SH3BP4: variants seen among roughly 807,000 people sequenced by gnomAD.
SH3BP4 encodes SH3 domain binding protein 4, also known as SH3 domain-binding protein 4.
Under a neutral mutation model 65.5 loss-of-function variants are expected in SH3BP4, and 33 were observed. The ratio of observed to expected loss-of-function variants is 0.50; its 90% CI spans 0.38 to 0.67. The LOEUF is 0.67. Ranked by LOEUF, SH3BP4 falls within the 30% of genes least tolerant of loss-of-function variation. The pLI, the probability that SH3BP4 is intolerant of heterozygous loss-of-function variation, is 0.00. For missense variants in SH3BP4, 1,134 were observed against 1,261.4 expected (o/e 0.90, Z 1.53); for synonymous variants, 552 against 545.5 (o/e 1.01, Z -0.17).
chr2:235,035,256 A>G lies in SH3BP4; in HGVS notation c.118+136A>G, dbSNP rs58276257. 0.01 allele frequency: 7,374 copies of G among 730,186 alleles called. 394 individuals carry two copies. The African/African-American group carries it at 0.12, about 11-fold the overall frequency. The allele number at this position is 730,186 out of a possible 1,614,324, so 45.2% of individuals were successfully genotyped here. On this transcript the variant is annotated intron_variant, in intron 3 of 5. Transcript: ENST00000392011. This position sits in a 1 kb window ranked among gnomAD's most constrained non-coding sequence, Gnocchi z 5.0. Reference sequence around the variant, plus strand: ...AAAGTTTAGTTCTTTAAACTTCATCATGGTAATAGATTTAGCCCTGGAATC... The same window carrying G: ...AAAGTTTAGTTCTTTAAACTTCATCGTGGTAATAGATTTAGCCCTGGAATC...
intron 1 of SH3BP4, among the ~76,000 whole-genome samples, chr2:234,962,199 C>T (rs1354528089): frequency 6.6e-6 from 1 of 152,058 alleles, no homozygotes; most frequent in East Asian, 1.9e-4. Context: ...TGCGGTGGCC[C>T]AATGTCAGCT....
chr2:235,038,376 CATATATATATAT>C lies in SH3BP4; in HGVS notation c.119-2483_119-2472del, dbSNP rs1177080438. The stretch of plus-strand genomic sequence containing the variant: ...TATATATATATATATAATATATATA[CATATATATATAT>C]ATATATATATATATATATATATATA... On this transcript the variant is annotated intron_variant, in intron 3 of 5. Coordinates refer to ENST00000392011, the MANE Select transcript of SH3BP4 (RefSeq NM_014521.3). Among the ~76,000 whole-genome samples, 9 of 12,362 alleles carry C rather than the reference CATATATATATAT, an allele frequency of 7.3e-4. 2 individuals are homozygous for C. The highest frequency in any genetic ancestry group is 1.4e-3 in the Non-Finnish European group (9 of 6,606). The allele number at this position is 12,362 out of a possible 152,430, so 8.1% of individuals were successfully genotyped here. A position where few individuals can be genotyped will look rare whatever the true frequency, so the allele number is the denominator to read the frequency against.
intron 1 of SH3BP4, among the ~76,000 whole-genome samples, chr2:234,961,527 C>A (rs757440853): frequency 2.0e-4 from 30 of 152,190 alleles, no homozygotes; most frequent in Middle Eastern, 3.2e-3. Context: ...CTGCCTCAGC[C>A]TCCCCGGGTG....
intron 1 of SH3BP4, among the ~76,000 whole-genome samples, chr2:234,964,209 A>C (rs1198043035): frequency 6.6e-6 from 1 of 152,206 alleles, no homozygotes; most frequent in Non-Finnish European, 1.5e-5. Flanking sequence ...GCTTAGAAGC[A>C]GGAAACTGTC....
In SH3BP4 at chr2:235,053,849, G is replaced by T. The variant is rs772683228; in HGVS notation, c.*33G>T. On this transcript the variant is annotated 3_prime_UTR_variant, in exon 6 of 6. Transcript: ENST00000392011. ...CCCTCCCCTCCTGCTGCTCTGGAGTGCAAGCCCTCTTCTGCCCTGCGTGCC... is the reference window on the plus strand; with the variant it reads ...CCCTCCCCTCCTGCTGCTCTGGAGTTCAAGCCCTCTTCTGCCCTGCGTGCC... The T allele has an allele frequency of 1.9e-6, 3 of 1,543,536 alleles. No homozygotes were observed. The highest frequency in any genetic ancestry group is 2.7e-6 in the Non-Finnish European group (3 of 1,116,194).
At position 235,012,061 on chromosome 2, in the gene SH3BP4, C is replaced by T. The variant is rs1694526583; in HGVS notation, c.-133+16685C>T. Among the ~76,000 whole-genome samples, 3 of 152,238 alleles carry T rather than the reference C, an allele frequency of 2.0e-5. No individual in the cohort carries two copies. The South Asian group carries it at 6.2e-4, about 32-fold the overall frequency. On this transcript the variant is annotated intron_variant, in intron 2 of 5. Coordinates refer to ENST00000392011, the MANE Select transcript of SH3BP4 (RefSeq NM_014521.3). ...AGGGAAAGCATGGGGCTGGTGCCCG[C>T]ACACTCAGTGTGGATGCAGGGAGCA...
Position 235,026,590 on chromosome 2 carries a change from C to T in SH3BP4, c.-132-8281C>T, listed in dbSNP as rs1695008830. 6.6e-6 allele frequency among the ~76,000 whole-genome samples: 1 copy of T among 152,174 alleles called. No homozygotes were observed. Among genetic ancestry groups the T allele is most frequent in the South Asian group, 2.1e-4 (1 of 4,830 alleles). On this transcript the variant is annotated intron_variant, in intron 2 of 5. Coordinates refer to ENST00000392011, the MANE Select transcript of SH3BP4 (RefSeq NM_014521.3). The surrounding 1 kb of genome is among the most constrained non-coding windows in gnomAD (Gnocchi z 4.6). ...GTCCCTAGTTTTGAGCACAGAGCCT[C>T]GTTGCTAGAGCCTGGCACTCCGTAG...
At chr2:235,028,135 A>G (rs1695063290) in intron 2 of SH3BP4, among the ~76,000 whole-genome samples, 1 of 152,226 alleles carries the variant, frequency 6.6e-6, no homozygotes, top group Non-Finnish European at 1.5e-5. Context: ...TTGCACAGAA[A>G]AAGGAAAAAC....
chr2:235,038,337 TA>T (rs1377687560), intron 3 of SH3BP4, among the ~76,000 whole-genome samples: 361 of 6,476 alleles, frequency 0.056, 7 homozygotes, highest in Non-Finnish European at 0.15. Flanking sequence ...ATATTATATA[TA>T]GTATATATAT....
At chr2:235,024,282 A>G (rs1003776407) in intron 2 of SH3BP4, among the ~76,000 whole-genome samples, 2 of 152,194 alleles carry the variant, frequency 1.3e-5, no homozygotes, top group African/African-American at 4.8e-5. Context: ...CATCTCTCCT[A>G]AGCGACGCCC....
At chr2:234,990,713 A>G (rs1454956300) in intron 1 of SH3BP4, among the ~76,000 whole-genome samples, 1 of 152,108 alleles carries the variant, frequency 6.6e-6, no homozygotes, top group Non-Finnish European at 1.5e-5. Context: ...AATTACTTTG[A>G]CGGGGCTGTT....
At chr2:234,992,895 C>T (rs889898901) in intron 1 of SH3BP4, among the ~76,000 whole-genome samples, 11 of 119,330 alleles carry the variant, frequency 9.2e-5, no homozygotes, top group African/African-American at 1.3e-4. Context: ...GTTCCTGCCA[C>T]GTGGCTCTGG....
rs1489503510 is a variant in SH3BP4 at position 235,030,683 on chromosome 2, G to A, written c.-132-4188G>A. Among the ~76,000 whole-genome samples the A allele has an allele frequency of 6.6e-6, 1 of 152,162 alleles. No homozygotes were observed. The highest frequency in any genetic ancestry group is 1.5e-5 in the Non-Finnish European group (1 of 68,018). ...GGAGAGGATTCTGCTGTAGGAAAGA[G>A]GACAGAGCTGACATCCCAGTGAGGA... On this transcript the variant is annotated intron_variant, in intron 2 of 5. Transcript: ENST00000392011. The surrounding 1 kb of genome is among the most constrained non-coding windows in gnomAD (Gnocchi z 4.1).
chr2:234,980,239 T>C (rs188352488), intron 1 of SH3BP4, among the ~76,000 whole-genome samples: 2 of 152,266 alleles, frequency 1.3e-5, no homozygotes, highest in Non-Finnish European at 2.9e-5. Context: ...ACCCTGTATG[T>C]ACTATTTATT....
intron 1 of SH3BP4, among the ~76,000 whole-genome samples, chr2:234,987,456 C>T (rs1027756092): frequency 6.6e-6 from 1 of 152,142 alleles, no homozygotes; most frequent in East Asian, 1.9e-4. Flanking sequence ...AAACGAGGCC[C>T]AGGAAAGATG....
intron 2 of SH3BP4, among the ~76,000 whole-genome samples, chr2:234,999,507 A>G (rs1017906142): frequency 1.3e-5 from 2 of 152,144 alleles, no homozygotes; most frequent in African/African-American, 4.8e-5. Context: ...GCAGACTGCA[A>G]TTTCGGAAGG....
chr2:235,050,999 G>A (rs529065485), intron 4 of SH3BP4, among the ~76,000 whole-genome samples: 7 of 152,270 alleles, frequency 4.6e-5, no homozygotes, highest in South Asian at 2.1e-4. Flanking sequence ...CTCAGAAACC[G>A]TCTCTGGGCT....
intron 1 of SH3BP4, among the ~76,000 whole-genome samples, chr2:234,990,552 C>T (rs1373912539): frequency 6.6e-6 from 1 of 152,226 alleles, no homozygotes; most frequent in African/African-American, 2.4e-5. Flanking sequence ...TCATGCGGGT[C>T]TGGCCCTGAA....
In SH3BP4 at chr2:235,035,541, C is replaced by G. The variant is rs149696268; in HGVS notation, c.118+421C>G. Among the ~76,000 whole-genome samples, 1 of 152,178 alleles carries G rather than the reference C, an allele frequency of 6.6e-6. No homozygotes were observed. The highest frequency in any genetic ancestry group is 1.9e-4 in the East Asian group (1 of 5,192). On this transcript the variant is annotated intron_variant, in intron 3 of 5. Transcript: ENST00000392011. This position sits in a 1 kb window ranked among gnomAD's most constrained non-coding sequence, Gnocchi z 5.0. ...GGGAAATATTTGAAGCTTTGCAGGC[C>G]GTATACCATCTCTGTCACAACTATT... is the stretch of plus-strand genomic sequence containing the variant.
Sources: allele counts gnomAD v4.1 joint callset (sites outside exome capture counted in the v4.1 genomes callset), GRCh38; gene constraint gnomAD v4.1.1; non-coding constraint Gnocchi (gnomAD v3.1); transcripts MANE v1.5; gene names NCBI Gene and HGNC (gene_info 2026-07-23, HGNC 2026-07-21).